The following RYR2 variants were observed in gnomAD, a reference collection of about 807,000 sequenced individuals.
The protein encoded by RYR2 is cardiac muscle ryanodine receptor-calcium release channel.
RYR2 carries 227 observed loss-of-function variants against 601.1 expected under a neutral mutation model. The observed-to-expected ratio is 0.38, with a 90% CI of 0.34 to 0.42. RYR2 has a LOEUF of 0.42. Ranked by LOEUF, RYR2 falls within the 10% of genes least tolerant of loss-of-function variation. The pLI is 1.00. For missense variants in RYR2, 4,646 were observed against 6,156.5 expected (o/e 0.75, Z 8.21); for synonymous variants, 2,223 against 2,175.1 (o/e 1.02, Z -0.61).
intron 34 of RYR2, among the ~76,000 whole-genome samples, chr1:237,596,018 C>A (rs1308162395): frequency 6.6e-6 from 1 of 152,130 alleles, no homozygotes; most frequent in Non-Finnish European, 1.5e-5. Flanking sequence ...GTATCCTACC[C>A]AACCGGTACC....
intron 32 of RYR2, among the ~76,000 whole-genome samples, chr1:237,592,796 G>GGATC (rs1282367215): frequency 6.6e-6 from 1 of 152,000 alleles, no homozygotes; most frequent in Non-Finnish European, 1.5e-5. Flanking sequence ...TGAGGCAGGT[G>GGATC]GATCACCTGA....
At position 237,466,820 on chromosome 1, in the gene RYR2, A is replaced by G. The variant is rs116601483; in HGVS notation, c.1613-2272A>G. Among the ~76,000 whole-genome samples, 1,044 of 151,842 alleles carry G rather than the reference A, an allele frequency of 6.9e-3. 26 individuals are homozygous for G. The East Asian group carries it at 0.095, about 14-fold the overall frequency. ...TATTCTAATTTTTGATATTTATTAG[A>G]TATTTTATATTATGATATTGATTCC... is the stretch of plus-strand genomic sequence containing the variant. On this transcript the variant is annotated intron_variant, in intron 16 of 104. Transcript: ENST00000366574.
intron 1 of RYR2, among the ~76,000 whole-genome samples, chr1:237,081,629 T>A (rs542696294): frequency 1.1e-4 from 16 of 151,510 alleles, no homozygotes; most frequent in Non-Finnish European, 1.6e-4. Flanking sequence ...ACGCACACAC[T>A]CTCTCTCTCC....
Position 237,343,156 on chromosome 1 carries a change from G to A in RYR2, c.273+12174G>A, listed in dbSNP as rs112502940. On this transcript the variant is annotated intron_variant, in intron 3 of 104. Coordinates refer to ENST00000366574, the MANE Select transcript of RYR2 (RefSeq NM_001035.3). The stretch of plus-strand genomic sequence containing the variant: ...TGGGATTGCTTGAGCTTGGGAGATC[G>A]AGGCTGCGGTGAGCTGTGTTTGTGC... Among the ~76,000 whole-genome samples the A allele has an allele frequency of 6.1e-3, 933 of 152,196 alleles. 8 individuals carry two copies. Among genetic ancestry groups the A allele is most frequent in the African/African-American group, 0.022 (905 of 41,522 alleles).
Position 237,706,934 on chromosome 1 carries a change from T to C in RYR2, c.9581-15T>C. 3 of 1,594,784 alleles carry C rather than the reference T, an allele frequency of 1.9e-6. No homozygotes were observed. The highest frequency in any genetic ancestry group is 2.6e-6 in the Non-Finnish European group (3 of 1,163,798). ...TTTCTTTGAATATCATCCATTTTTATATGTACTTCTCCAGCTCTCAGTTTG... is the reference window on the plus strand; with the variant it reads ...TTTCTTTGAATATCATCCATTTTTACATGTACTTCTCCAGCTCTCAGTTTG... On this transcript the variant is annotated splice_polypyrimidine_tract_variant and intron_variant, in intron 67 of 104. Coordinates refer to ENST00000366574, the MANE Select transcript of RYR2 (RefSeq NM_001035.3).
chr1:237,619,146 A>G (rs1177304609), intron 38 of RYR2, among the ~76,000 whole-genome samples: 1 of 152,214 alleles, frequency 6.6e-6, no homozygotes, highest in African/African-American at 2.4e-5. Flanking sequence ...TTGAGATTTC[A>G]ATTAAAAATC....
rs549804448 is a variant in RYR2 at position 237,496,498 on chromosome 1, C to T, written c.1962-13C>T. On this transcript the variant is annotated splice_polypyrimidine_tract_variant and intron_variant, in intron 19 of 104. Transcript: ENST00000366574. ...TTGGACTTTCCTTACATGTGATTCC[C>T]GTCTCTTTAAAGCATGAGACCCAAT... 54 of 1,608,692 alleles carry T rather than the reference C, an allele frequency of 3.4e-5. No homozygotes were observed. Among genetic ancestry groups the T allele is most frequent in the Admixed American group, 1.8e-4 (11 of 59,906 alleles).
chr1:237,539,077 A>G (rs965466714), intron 25 of RYR2, among the ~76,000 whole-genome samples: 3 of 152,226 alleles, frequency 2.0e-5, no homozygotes, highest in Non-Finnish European at 4.4e-5. Flanking sequence ...ACCTAGATAC[A>G]CTGATAAAAG....
Position 237,051,224 on chromosome 1 carries a change from CT to C in RYR2, c.48+8657del, listed in dbSNP as rs1192346625. On this transcript the variant is annotated intron_variant, in intron 1 of 104. Coordinates refer to ENST00000366574, the MANE Select transcript of RYR2 (RefSeq NM_001035.3). Reference sequence around the variant, plus strand: ...CTCCCTTTCCCTTTCTCTCCCCCCCCTTCCTCCCCTTTCCCTCCCCTTCCCC... The same window carrying C: ...CTCCCTTTCCCTTTCTCTCCCCCCCCTCCTCCCCTTTCCCTCCCCTTCCCC... Among the ~76,000 whole-genome samples, 33 of 110,648 alleles carry C rather than the reference CT, an allele frequency of 3.0e-4. 2 individuals are homozygous for C. The South Asian group carries it at 9.5e-3, about 32-fold the overall frequency. The allele number at this position is 110,648 out of a possible 152,430, so 72.6% of individuals were successfully genotyped here.
At chr1:237,295,718 ATAT>A (rs960664816) in intron 2 of RYR2, among the ~76,000 whole-genome samples, 4 of 152,212 alleles carry the variant, frequency 2.6e-5, no homozygotes, top group African/African-American at 9.7e-5. Context: ...GGATCTTTTA[ATAT>A]ATGTGATAGC....
intron 101 of RYR2, among the ~76,000 whole-genome samples, chr1:237,821,968 AT>A (rs1046416374): frequency 4.6e-5 from 7 of 152,002 alleles, no homozygotes; most frequent in African/African-American, 1.7e-4. Context: ...AGAAGACAAG[AT>A]TAGAGAAAAA....
chr1:237,167,854 G>A (rs1202553102), intron 1 of RYR2, among the ~76,000 whole-genome samples: 2 of 151,844 alleles, frequency 1.3e-5, no homozygotes, highest in Non-Finnish European at 2.9e-5. Context: ...GGCTTTCAGA[G>A]TAGCTGGGAC....
intron 4 of RYR2, among the ~76,000 whole-genome samples, chr1:237,360,875 T>C (rs537021921): frequency 3.9e-5 from 6 of 152,304 alleles, no homozygotes; most frequent in African/African-American, 1.4e-4. Flanking sequence ...AGCATTTCCA[T>C]AGGATTTATA....
intron 48 of RYR2, among the ~76,000 whole-genome samples, chr1:237,647,477 C>T (rs1682293654): frequency 6.6e-6 from 1 of 152,172 alleles, no homozygotes. Context: ...CGAATACTAC[C>T]AGGCATTATC....
intron 1 of RYR2, among the ~76,000 whole-genome samples, chr1:237,090,374 T>C (rs1469816712): frequency 6.6e-6 from 1 of 152,074 alleles, no homozygotes; most frequent in African/African-American, 2.4e-5. Flanking sequence ...GGGGGCAGTG[T>C]AATCATGAGA....
intron 63 of RYR2, among the ~76,000 whole-genome samples, chr1:237,695,344 A>G (rs1687326347): frequency 3.3e-5 from 5 of 152,202 alleles, no homozygotes; most frequent in Admixed American, 3.3e-4. Context: ...ACTGATATAA[A>G]TACACAATCT....
rs765505906 is a variant in RYR2, at chr1:237,680,446, T to C, written c.8896-10T>C. On this transcript the variant is annotated splice_polypyrimidine_tract_variant and intron_variant, in intron 61 of 104. Transcript: ENST00000366574. Reference sequence around the variant, plus strand: ...ACTACGTAGATCTGTCTTCTTTTCCTTTCTTTCAGGTCGTTCTTCCTTTAA... The same window carrying C: ...ACTACGTAGATCTGTCTTCTTTTCCCTTCTTTCAGGTCGTTCTTCCTTTAA... 6.2e-7 allele frequency: 1 copy of C among 1,608,002 alleles called. No individual in the cohort carries two copies. The highest frequency in any genetic ancestry group is 8.5e-7 in the Non-Finnish European group (1 of 1,175,688).
At chr1:237,594,432 G>T (rs1375594985) in intron 33 of RYR2, among the ~76,000 whole-genome samples, 1 of 152,104 alleles carries the variant, frequency 6.6e-6, no homozygotes, top group Non-Finnish European at 1.5e-5. Flanking sequence ...ATTTTCAATG[G>T]GAGCCCAGCA....
At chr1:237,711,713 T>C in intron 70 of RYR2, 32 bp from the exon 71 acceptor site, 1 of 1,189,102 alleles carries the variant, frequency 8.4e-7, no homozygotes, top group Non-Finnish European at 1.2e-6. Context: ...CTTTAAGTGG[T>C]TTTAACTGAA....
Sources: gnomAD v4.1 joint callset for allele counts (sites outside exome capture counted in the v4.1 genomes callset) on GRCh38, gnomAD v4.1.1 for gene constraint, MANE v1.5 for transcripts, NCBI Gene and HGNC (gene_info 2026-07-23, HGNC 2026-07-21) for gene names.